Variants in STAU2 observed in about 807,000 individuals in gnomAD.
STAU2 encodes the protein double-stranded RNA-binding protein Staufen homolog 2.
A neutral mutation model predicts 65.9 loss-of-function variants in STAU2; 20 were observed. That is an observed-to-expected ratio of 0.30 (90% CI 0.21 to 0.44). The LOEUF is 0.44. Among genes scored for constraint, STAU2 ranks in the 20% least tolerant of loss-of-function variants. The pLI, the probability that STAU2 is intolerant of heterozygous loss-of-function variation, is 1.00. For synonymous variants in STAU2, 232 were observed against 233.9 expected (o/e 0.99, Z 0.07); for missense variants, 558 against 683.9 (o/e 0.82, Z 2.05).
At chr8:73,568,241 T>C (rs936171669) in intron 12 of STAU2, among the ~76,000 whole-genome samples, 1 of 152,226 alleles carries the variant, frequency 6.6e-6, no homozygotes, top group Non-Finnish European at 1.5e-5. Context: ...ACAGACCAAG[T>C]ACATCTTTAT....
intron 13 of STAU2, among the ~76,000 whole-genome samples, chr8:73,547,085 T>C (rs1190718797): frequency 6.6e-6 from 1 of 152,110 alleles, no homozygotes; most frequent in Admixed American, 6.5e-5. Flanking sequence ...TGTATCATGA[T>C]GGCTCATTTC....
At chr8:73,730,402 C>A (rs1314917628) in intron 3 of STAU2, among the ~76,000 whole-genome samples, 2 of 152,038 alleles carry the variant, frequency 1.3e-5, no homozygotes, top group African/African-American at 4.8e-5. Context: ...CCTAATACAG[C>A]CTGGAGAATG....
intron 4 of STAU2, among the ~76,000 whole-genome samples, chr8:73,695,716 C>T (rs1478600533): frequency 6.6e-6 from 1 of 152,142 alleles, no homozygotes; most frequent in Non-Finnish European, 1.5e-5. Flanking sequence ...AGGGAGCCCA[C>T]TGCCCTGAAG....
intron 12 of STAU2, among the ~76,000 whole-genome samples, chr8:73,567,273 C>T (rs1022694970): frequency 2.6e-5 from 4 of 152,018 alleles, no homozygotes; most frequent in South Asian, 2.1e-4. Flanking sequence ...CTTGGGAGGC[C>T]GAGGCGGGCA....
intron 13 of STAU2, among the ~76,000 whole-genome samples, chr8:73,543,284 C>T (rs1014237192): frequency 6.6e-6 from 1 of 152,044 alleles, no homozygotes; most frequent in South Asian, 2.1e-4. Flanking sequence ...GCGGCAAGGG[C>T]GGAGGCAAAT....
intron 4 of STAU2, among the ~76,000 whole-genome samples, chr8:73,704,371 T>C (rs933746079): frequency 2.6e-5 from 4 of 152,152 alleles, no homozygotes; most frequent in Admixed American, 6.5e-5. Flanking sequence ...GGACCCTATT[T>C]GAACAAACCA....
chr8:73,573,915 A>G (rs112199815), intron 12 of STAU2, among the ~76,000 whole-genome samples: 10 of 152,348 alleles, frequency 6.6e-5, no homozygotes, highest in African/African-American at 2.4e-4. Context: ...GGATCTAATT[A>G]AACTAAAGAG....
At chr8:73,460,739 T>G (rs1467355161) in intron 13 of STAU2, among the ~76,000 whole-genome samples, 1 of 152,202 alleles carries the variant, frequency 6.6e-6, no homozygotes, top group Non-Finnish European at 1.5e-5. Flanking sequence ...AATTATTTAG[T>G]GCCAGACACT....
intron 13 of STAU2, among the ~76,000 whole-genome samples, chr8:73,510,682 AAGG>A (rs1274399939): frequency 2.0e-5 from 3 of 152,162 alleles, no homozygotes; most frequent in Non-Finnish European, 4.4e-5. Flanking sequence ...TAGCAGCAGC[AAGG>A]AGAAGAATGA....
At chr8:73,736,345 G>GTT (rs1417946151) in intron 3 of STAU2, among the ~76,000 whole-genome samples, 1 of 152,100 alleles carries the variant, frequency 6.6e-6, no homozygotes, top group Non-Finnish European at 1.5e-5. Context: ...TATTTACATT[G>GTT]TTTATTCTAG....
intron 4 of STAU2, among the ~76,000 whole-genome samples, chr8:73,701,564 CAA>C (rs1467270189): frequency 6.6e-6 from 1 of 151,908 alleles, no homozygotes; most frequent in Non-Finnish European, 1.5e-5. Context: ...GGCTTTTATC[CAA>C]AAGTCAGGCA....
chr8:73,555,439 A>C (rs1385578081), intron 12 of STAU2, among the ~76,000 whole-genome samples: 1 of 152,182 alleles, frequency 6.6e-6, no homozygotes. Context: ...AGTTTTTTTA[A>C]AAACACTTTA....
At chr8:73,642,349 C>G (rs1441766190) in intron 6 of STAU2, among the ~76,000 whole-genome samples, 1 of 152,022 alleles carries the variant, frequency 6.6e-6, no homozygotes, top group Non-Finnish European at 1.5e-5. Flanking sequence ...ATGGTGAAAC[C>G]CCATCTCTAC....
Position 73,504,203 on chromosome 8 carries a change from G to A in STAU2, c.1530+47809C>T, listed in dbSNP as rs536113350. Among the ~76,000 whole-genome samples, 4 of 152,142 alleles carry A rather than the reference G, an allele frequency of 2.6e-5. No homozygotes were observed. In the South Asian group the frequency reaches 8.3e-4, roughly 32 times the overall value. ...CCCAGAGGGGGAAGCAACCTACAGCGATATTAGCTTAAAAATGACTTCTAA... is the reference window on the plus strand; with the variant it reads ...CCCAGAGGGGGAAGCAACCTACAGCAATATTAGCTTAAAAATGACTTCTAA... On this transcript the variant is annotated intron_variant, in intron 13 of 14. Coordinates refer to ENST00000524300, the MANE Select transcript of STAU2 (RefSeq NM_001164380.2).
At position 73,551,237 on chromosome 8, in the gene STAU2, G is replaced by A. The variant is rs531674901; in HGVS notation, c.1530+775C>T. 2.9e-5 allele frequency: 29 copies of A among 987,464 alleles called. No individual in the cohort carries two copies. The African/African-American group carries it at 5.1e-4, about 17-fold the overall frequency. 61.2% of individuals were successfully genotyped at this position (987,464 alleles called of 1,614,324 possible). A position where few individuals can be genotyped will look rare whatever the true frequency, so the allele number is the denominator to read the frequency against. On this transcript the variant is annotated intron_variant, in intron 13 of 14. Transcript: ENST00000524300. ...TATCCATAAAGGAGTGCTGATTTTT[G>A]TGGGGTTTTTTCCCAGAAGGAAACA...
At chr8:73,505,312 G>C (rs796213609) in intron 13 of STAU2, among the ~76,000 whole-genome samples, 10 of 152,184 alleles carry the variant, frequency 6.6e-5, no homozygotes, top group African/African-American at 2.2e-4. Flanking sequence ...AGTTTACTGG[G>C]CTGGGCAGGA....
rs184885948 is a variant in STAU2, at chr8:73,469,534, C to A, written c.1531-46832G>T. Reference sequence around the variant, plus strand: ...TGAGTAGAAGGACTGAGTAAGGAGACGGGACAGATGTGGTAGGAGGCCTAT... The same window carrying A: ...TGAGTAGAAGGACTGAGTAAGGAGAAGGGACAGATGTGGTAGGAGGCCTAT... On this transcript the variant is annotated intron_variant, in intron 13 of 14. Coordinates refer to ENST00000524300, the MANE Select transcript of STAU2 (RefSeq NM_001164380.2). 1.9e-4 allele frequency among the ~76,000 whole-genome samples: 29 copies of A among 150,600 alleles called. No individual in the cohort carries two copies. The East Asian group carries it at 5.7e-3, about 29-fold the overall frequency.
chr8:73,602,465 T>C (rs1175255862), intron 10 of STAU2, among the ~76,000 whole-genome samples: 1 of 152,176 alleles, frequency 6.6e-6, no homozygotes, highest in Non-Finnish European at 1.5e-5. Flanking sequence ...TCCTAACACT[T>C]TGAGAGGCTG....
At chr8:73,477,256 C>T (rs1820371262) in intron 13 of STAU2, among the ~76,000 whole-genome samples, 1 of 152,048 alleles carries the variant, frequency 6.6e-6, no homozygotes, top group Non-Finnish European at 1.5e-5. Context: ...GGTTTTGATC[C>T]TTTGGACAGC....
Sources: gnomAD v4.1 joint callset for allele counts (sites outside exome capture counted in the v4.1 genomes callset) on GRCh38, gnomAD v4.1.1 for gene constraint, MANE v1.5 for transcripts, NCBI Gene and HGNC (gene_info 2026-07-23, HGNC 2026-07-21) for gene names.